The following OLFM3 variants were observed in gnomAD, a reference collection of about 807,000 sequenced individuals.
The protein encoded by OLFM3 is noelin-3.
Under a neutral mutation model 48.6 loss-of-function variants are expected in OLFM3, and 20 were observed. The observed-to-expected ratio is 0.41, with a 90% CI of 0.29 to 0.60. OLFM3 has a LOEUF of 0.60. Among genes scored for constraint, OLFM3 ranks in the 20% least tolerant of loss-of-function variants. OLFM3 has a pLI of 0.28. For missense variants in OLFM3, 437 were observed against 544.3 expected (o/e 0.80, Z 1.96); for synonymous variants, 222 against 198.1 (o/e 1.12, Z -1.01).
intron 1 of OLFM3, among the ~76,000 whole-genome samples, chr1:101,920,407 C>T (rs1207192762): frequency 6.6e-6 from 1 of 152,134 alleles, no homozygotes; most frequent in Non-Finnish European, 1.5e-5. Context: ...GGGTATTTGT[C>T]TCCTTTATAT....
intron 1 of OLFM3, among the ~76,000 whole-genome samples, chr1:101,848,701 T>C (rs909191138): frequency 6.6e-6 from 1 of 152,156 alleles, no homozygotes; most frequent in African/African-American, 2.4e-5. Flanking sequence ...AGTATTACAA[T>C]GTGTTAATGA....
chr1:101,989,278 T>C (rs1661333190), intron 1 of OLFM3, among the ~76,000 whole-genome samples: 1 of 152,096 alleles, frequency 6.6e-6, no homozygotes, highest in Non-Finnish European at 1.5e-5. Flanking sequence ...CATAGCTCTG[T>C]GATACATGCT....
At chr1:101,977,690 T>C (rs1476951375) in intron 1 of OLFM3, among the ~76,000 whole-genome samples, 1 of 152,178 alleles carries the variant, frequency 6.6e-6, no homozygotes, top group Admixed American at 6.5e-5. Flanking sequence ...TCAACTCTCA[T>C]GGCAAATCAA....
At chr1:101,914,354 C>T (rs1022017362) in intron 1 of OLFM3, among the ~76,000 whole-genome samples, 3 of 152,078 alleles carry the variant, frequency 2.0e-5, no homozygotes, top group Non-Finnish European at 4.4e-5. Flanking sequence ...TATCAGTCTC[C>T]GCCAGTAACT....
At chr1:101,833,397 C>T (rs1308287011) in intron 2 of OLFM3, among the ~76,000 whole-genome samples, 2 of 152,184 alleles carry the variant, frequency 1.3e-5, no homozygotes, top group East Asian at 3.8e-4. Context: ...TGTTTAGTTT[C>T]CCACTGGCTA....
chr1:101,825,850 T>TAGCACAAC (rs1654837622), intron 3 of OLFM3, among the ~76,000 whole-genome samples: 1 of 152,230 alleles, frequency 6.6e-6, no homozygotes, highest in Non-Finnish European at 1.5e-5. Flanking sequence ...ATATCAATTT[T>TAGCACAAC]AGCACAACTT....
intron 1 of OLFM3, among the ~76,000 whole-genome samples, chr1:101,940,139 TC>T (rs1410350293): frequency 6.6e-6 from 1 of 152,092 alleles, no homozygotes; most frequent in Admixed American, 6.6e-5. Flanking sequence ...GCATGCATTC[TC>T]CCTAATATTC....
intron 1 of OLFM3, chr1:101,846,881 T>C: frequency 1.2e-6 from 2 of 1,612,708 alleles, no homozygotes. Flanking sequence ...TGGTGTTCAG[T>C]CCCACCAAGG....
At chr1:101,872,744 C>G (rs149826337) in intron 1 of OLFM3, among the ~76,000 whole-genome samples, 1 of 151,802 alleles carries the variant, frequency 6.6e-6, no homozygotes, top group Non-Finnish European at 1.5e-5. Flanking sequence ...AATTTTGCAT[C>G]TAATTACTAT....
At chr1:101,977,535 A>G (rs1232721458) in intron 1 of OLFM3, among the ~76,000 whole-genome samples, 4 of 152,166 alleles carry the variant, frequency 2.6e-5, no homozygotes, top group African/African-American at 9.6e-5. Flanking sequence ...TGGGAGGGAC[A>G]CTAAGGATCA....
At chr1:101,805,754 A>G (rs1653740004) in intron 5 of OLFM3, among the ~76,000 whole-genome samples, 1 of 151,760 alleles carries the variant, frequency 6.6e-6, no homozygotes, top group Non-Finnish European at 1.5e-5. Flanking sequence ...TGAGTTTTTC[A>G]CTTATTTAGT....
At chr1:101,838,070 A>T (rs1655523411) in intron 1 of OLFM3, among the ~76,000 whole-genome samples, 1 of 152,012 alleles carries the variant, frequency 6.6e-6, no homozygotes, top group African/African-American at 2.4e-5. Context: ...CAGGGGTGAG[A>T]TCACAGCCAC....
At chr1:101,818,393 T>C (rs1439174281) in intron 4 of OLFM3, among the ~76,000 whole-genome samples, 1 of 151,972 alleles carries the variant, frequency 6.6e-6, no homozygotes, top group Non-Finnish European at 1.5e-5. Flanking sequence ...GGTTCCAGAG[T>C]TCCAGAAGAA....
chr1:101,833,379 A>G lies in OLFM3; in HGVS notation c.217-2552T>C, dbSNP rs561132876. On this transcript the variant is annotated intron_variant, in intron 2 of 5. Coordinates refer to ENST00000370103, the MANE Select transcript of OLFM3 (RefSeq NM_058170.4). ...TCTTAAGCATCTCTTGCTGGTTATAACTAGGATTGTTTAGTTTCCCACTGG... is the reference window on the plus strand; with the variant it reads ...TCTTAAGCATCTCTTGCTGGTTATAGCTAGGATTGTTTAGTTTCCCACTGG... Among the ~76,000 whole-genome samples the G allele has an allele frequency of 9.8e-5, 15 of 152,296 alleles. No homozygotes were observed. In the South Asian group the frequency reaches 2.9e-3, roughly 29 times the overall value.
At position 101,892,394 on chromosome 1, in the gene OLFM3, T is replaced by C. The variant is rs567082404; in HGVS notation, c.70-55369A>G. On this transcript the variant is annotated intron_variant, in intron 1 of 5. Coordinates refer to ENST00000370103, the MANE Select transcript of OLFM3 (RefSeq NM_058170.4). The stretch of plus-strand genomic sequence containing the variant: ...CAAAGACTTCATCTATAGAAGCTTA[T>C]GAGCAGCAACAACTGAAGAGCAGTC... Among the ~76,000 whole-genome samples the C allele has an allele frequency of 2.6e-4, 37 of 140,098 alleles. 1 individual carries two copies. The highest frequency in any genetic ancestry group is 1.1e-4 in the Non-Finnish European group (7 of 62,488). The allele number at this position is 140,098 out of a possible 152,430, so 91.9% of individuals were successfully genotyped here. A position where few individuals can be genotyped will look rare whatever the true frequency, so the allele number is the denominator to read the frequency against.
chr1:101,943,024 C>T (rs966298890), intron 1 of OLFM3, among the ~76,000 whole-genome samples: 1 of 152,180 alleles, frequency 6.6e-6, no homozygotes, highest in Non-Finnish European at 1.5e-5. Flanking sequence ...TTCTCGTCTC[C>T]TGTCTGCTAA....
intron 1 of OLFM3, among the ~76,000 whole-genome samples, chr1:101,868,223 T>C (rs1656932936): frequency 6.6e-6 from 1 of 152,160 alleles, no homozygotes; most frequent in South Asian, 2.1e-4. Context: ...ACTTTGGAAT[T>C]GGGTAACAGC....
At chr1:101,965,346 A>G (rs17435025) in intron 1 of OLFM3, among the ~76,000 whole-genome samples, 33,608 of 152,172 alleles carry the variant, frequency 0.22, 4,276 homozygotes, top group Middle Eastern at 0.33. Flanking sequence ...AAAGATTTCG[A>G]AGGAAGGAAA....
chr1:101,927,407 C>A (rs12134387), intron 1 of OLFM3, among the ~76,000 whole-genome samples: 124 of 152,040 alleles, frequency 8.2e-4, no homozygotes, highest in Non-Finnish European at 1.6e-3. Flanking sequence ...TCACATCACT[C>A]GAAATTTTCT....
Sources: gnomAD v4.1 joint callset for allele counts (sites outside exome capture counted in the v4.1 genomes callset) on GRCh38, gnomAD v4.1.1 for gene constraint, MANE v1.5 for transcripts, NCBI Gene and HGNC (gene_info 2026-07-23, HGNC 2026-07-21) for gene names.